The following P2RX5 variants were observed in gnomAD, a reference collection of about 807,000 sequenced individuals.
P2RX5 encodes the protein purinergic receptor P2X 5.
A neutral mutation model predicts 54.1 loss-of-function variants in P2RX5; 46 were observed. That is an observed-to-expected ratio of 0.85 (90% confidence interval 0.67 to 1.09). The LOEUF (loss-of-function observed/expected upper bound fraction) is 1.09. P2RX5 is among the 50% of genes least tolerant of loss of function. The pLI is 0.00. For synonymous variants in P2RX5, 226 were observed against 226.4 expected (o/e 1.00, Z 0.02); for missense variants, 566 against 549.8 (o/e 1.03, Z -0.29).
chr17:3,720,486 C>G, the P2RX5 span: 1 of 694,802 alleles, frequency 1.4e-6, no homozygotes, highest in Non-Finnish European at 2.6e-6. Context: ...CACCACCTTT[C>G]CCTTTAAAGG....
At chr17:3,683,836 G>A (rs761685030) in intron 9 of P2RX5, among the ~76,000 whole-genome samples, 1 of 152,202 alleles carries the variant, frequency 6.6e-6, no homozygotes, top group African/African-American at 2.4e-5. Context: ...TGCAGGTAGG[G>A]ATCCATGTGG....
intron 10 of P2RX5, among the ~76,000 whole-genome samples, chr17:3,680,023 C>A (rs1235122735): frequency 6.6e-6 from 1 of 150,646 alleles, no homozygotes; most frequent in Non-Finnish European, 1.5e-5. Context: ...CACCCTGAGT[C>A]CTCCACCCAG....
rs1194751341 is a variant in P2RX5, at chr17:3,695,740, C to T, written c.137+129G>A. 24 of 1,143,610 alleles carry T rather than the reference C, an allele frequency of 2.1e-5. 1 individual carries two copies. The highest frequency in any genetic ancestry group is 3.0e-5 in the Non-Finnish European group (23 of 767,532). The allele number at this position is 1,143,610 out of a possible 1,614,324, so 70.8% of individuals were successfully genotyped here. Reference sequence around the variant, plus strand: ...AAAGAGGACCCCCACAGCAAGCAGGCTCACAGACCCCCAGCTACCGGGAAA... The same window carrying T: ...AAAGAGGACCCCCACAGCAAGCAGGTTCACAGACCCCCAGCTACCGGGAAA... On this transcript the variant is annotated intron_variant, in intron 1 of 11. Coordinates refer to ENST00000225328, the MANE Select transcript of P2RX5 (RefSeq NM_002561.4).
rs2050032879 is a variant in P2RX5 at position 3,673,655 on chromosome 17, A to G, written c.*213T>C. The G allele has an allele frequency of 4.8e-6, 7 of 1,446,784 alleles. No individual in the cohort carries two copies. Among genetic ancestry groups the G allele is most frequent in the Non-Finnish European group, 3.6e-6 (4 of 1,100,414 alleles). 89.6% of individuals were successfully genotyped at this position (1,446,784 alleles called of 1,614,324 possible). A position where few individuals can be genotyped will look rare whatever the true frequency, so the allele number is the denominator to read the frequency against. On this transcript the variant is annotated 3_prime_UTR_variant, in exon 12 of 12. Transcript: ENST00000225328. ...AGAACTGACGGCAGGGGGTGGGGCA[A>G]AAAGACAGCCATGATGGGTCCGTCC...
chr17:3,682,191 G>A (rs532120888), intron 9 of P2RX5: 27 of 600,588 alleles, frequency 4.5e-5, no homozygotes, highest in African/African-American at 3.1e-4. Context: ...GAGCTCCCCC[G>A]ATCCCACAGG....
At chr17:3,688,179 C>T in intron 8 of P2RX5, 74 bp from the exon 9 acceptor site, 1 of 818,198 alleles carries the variant, frequency 1.2e-6, no homozygotes, top group Non-Finnish European at 2.1e-6. Flanking sequence ...GATGTGGCTG[C>T]TCTGGGGACT....
chr17:3,701,220 GGTTTTTTTTGCAATTTTTT>G (rs755072751), upstream of P2RX5, among the ~76,000 whole-genome samples: 65 of 152,242 alleles, frequency 4.3e-4, no homozygotes, highest in Non-Finnish European at 7.9e-4. Flanking sequence ...AACGTTGTGA[GGTTTTTTTTGCAATTTTTT>G]GTTTTTTTTA....
At chr17:3,682,901 C>T (rs1366440812) in intron 9 of P2RX5, 2 of 152,210 alleles carry the variant, frequency 1.3e-5, no homozygotes, top group Non-Finnish European at 2.9e-5. Flanking sequence ...TGGCGGGTGT[C>T]TGTAATCCCA....
intron 10 of P2RX5, among the ~76,000 whole-genome samples, 171 bp downstream of exon 10, chr17:3,681,725 G>A (rs1012447227): frequency 3.3e-5 from 5 of 152,156 alleles, no homozygotes; most frequent in Non-Finnish European, 2.9e-5. Flanking sequence ...CACTGCTGCC[G>A]AGGCCGAATC....
At chr17:3,716,485 T>C in the P2RX5 span, among the ~76,000 whole-genome samples, 2 of 152,210 alleles carry the variant, frequency 1.3e-5, no homozygotes, top group East Asian at 3.8e-4. Flanking sequence ...AAAATCACTC[T>C]TTATAACTCA....
chr17:3,689,378 A>G (rs2050537399), intron 7 of P2RX5, 114 bp downstream of exon 7: 1 of 996,610 alleles, frequency 1.0e-6, no homozygotes, highest in African/African-American at 1.6e-5. Flanking sequence ...GGGGCAGGTG[A>G]CTTTGCAGGG....
the P2RX5 span, among the ~76,000 whole-genome samples, chr17:3,702,940 C>G: frequency 6.6e-6 from 1 of 152,152 alleles, no homozygotes; most frequent in Non-Finnish European, 1.5e-5. Context: ...TGCTCTGAGA[C>G]CTGGGACAGT....
the P2RX5 span, among the ~76,000 whole-genome samples, chr17:3,723,086 C>T: frequency 2.8e-3 from 424 of 152,286 alleles, 4 homozygotes; most frequent in African/African-American, 9.6e-3. Flanking sequence ...CAGGTAATCC[C>T]TCGAGTTCCT....
intron 11 of P2RX5, chr17:3,675,437 G>C: frequency 4.1e-6 from 4 of 985,400 alleles, no homozygotes; most frequent in Non-Finnish European, 4.8e-6. Flanking sequence ...AAAATCAGCA[G>C]CCATGACCCC....
the P2RX5 span, among the ~76,000 whole-genome samples, chr17:3,718,741 T>C: frequency 1.3e-5 from 2 of 152,182 alleles, no homozygotes; most frequent in South Asian, 4.1e-4. Flanking sequence ...AGAAACTTAA[T>C]AGTAACTCCT....
chr17:3,679,875 C>A (rs1159639175), intron 10 of P2RX5, 91 bp from the exon 11 acceptor site: 2 of 1,139,448 alleles, frequency 1.8e-6, no homozygotes, highest in African/African-American at 3.0e-5. Flanking sequence ...AATCCCTCGC[C>A]CTGCAGGCCG....
the P2RX5 span, among the ~76,000 whole-genome samples, chr17:3,718,774 G>A: frequency 6.6e-6 from 1 of 152,208 alleles, no homozygotes; most frequent in Admixed American, 6.5e-5. Flanking sequence ...CATGGGAAGG[G>A]AGAAATGAAG....
At chr17:3,677,589 T>A (rs2050134019) in intron 11 of P2RX5, 1 of 985,426 alleles carries the variant, frequency 1.0e-6, no homozygotes, top group Non-Finnish European at 1.2e-6. Flanking sequence ...TCGGAAACCC[T>A]GCTAGAGGCT....
At chr17:3,699,882 G>A (rs60354260), upstream of P2RX5, among the ~76,000 whole-genome samples, 2,890 of 25,520 alleles carry the variant, frequency 0.11, 60 homozygotes, top group South Asian at 0.17. Flanking sequence ...AGAAAGGAAG[G>A]AAGGAAGGAA....
Sources: gnomAD v4.1 joint callset for allele counts (sites outside exome capture counted in the v4.1 genomes callset) on GRCh38, gnomAD v4.1.1 for gene constraint, MANE v1.5 for transcripts, NCBI Gene and HGNC (gene_info 2026-07-23, HGNC 2026-07-21) for gene names.